The following CES5A variants were observed in gnomAD, a reference collection of about 807,000 sequenced individuals.
CES5A encodes the protein carboxylesterase 5A, also known as carboxylesterase 5.
Under a neutral mutation model 62.9 loss-of-function variants are expected in CES5A, and 67 were observed. That is an observed-to-expected ratio of 1.07 (90% confidence interval 0.88 to 1.31). The LOEUF (loss-of-function observed/expected upper bound fraction) is 1.31. CES5A is among the 50% of genes most tolerant of loss of function. The probability of loss-of-function intolerance (pLI) is 0.00; values close to 1 mark genes in which losing one functional copy is unlikely to be tolerated. For missense variants in CES5A, 748 were observed against 708.5 expected (o/e 1.06, Z -0.63); for synonymous variants, 296 against 280.8 (o/e 1.05, Z -0.54).
Position 55,846,384 on chromosome 16 carries a change from G to C in CES5A, c.*67C>G. On this transcript the variant is annotated 3_prime_UTR_variant, in exon 13 of 13. Transcript: ENST00000290567. ...CATAGAAAGCAGCTGAGCTCAGAAA[G>C]AAGCTAATGATTGCGGGAGAAATTA... 1 of 1,239,574 alleles carries C rather than the reference G, an allele frequency of 8.1e-7. No homozygotes were observed. Among genetic ancestry groups the C allele is most frequent in the South Asian group, 1.3e-5 (1 of 78,552 alleles). 76.8% of individuals were successfully genotyped at this position (1,239,574 alleles called of 1,614,324 possible).
chr16:55,921,540 A>G (rs540618908), intron 1 of CES5A, among the ~76,000 whole-genome samples: 2 of 151,904 alleles, frequency 1.3e-5, no homozygotes, highest in South Asian at 4.2e-4. Flanking sequence ...TATGAAGGAG[A>G]GATAAAGTCT....
intron 2 of CES5A, among the ~76,000 whole-genome samples, chr16:55,939,612 G>A (rs1438717991): frequency 6.6e-6 from 1 of 152,108 alleles, no homozygotes; most frequent in Non-Finnish European, 1.5e-5. Context: ...CAAGAAGTAG[G>A]AAAGGGAACT....
chr16:55,882,217 T>C (rs937255327), intron 1 of CES5A, among the ~76,000 whole-genome samples: 3 of 152,126 alleles, frequency 2.0e-5, no homozygotes, highest in Admixed American at 1.3e-4. Flanking sequence ...TATATAACTA[T>C]AAACATACCC....
At chr16:55,923,533 C>G (rs950243235) in intron 1 of CES5A, among the ~76,000 whole-genome samples, 1 of 151,678 alleles carries the variant, frequency 6.6e-6, no homozygotes, top group Non-Finnish European at 1.5e-5. Context: ...TAAAATGTCT[C>G]CCAACAAAGT....
At chr16:55,922,530 TC>T (rs2034216261) in intron 1 of CES5A, among the ~76,000 whole-genome samples, 2 of 151,684 alleles carry the variant, frequency 1.3e-5, no homozygotes, top group Non-Finnish European at 3.0e-5. Flanking sequence ...GTACCAGAGC[TC>T]CCAAAGTATA....
chr16:55,911,821 G>T (rs2142450827), intron 1 of CES5A, among the ~76,000 whole-genome samples: 1 of 152,292 alleles, frequency 6.6e-6, no homozygotes, highest in African/African-American at 2.4e-5. Flanking sequence ...CTGACCTGCT[G>T]CTTTGTCTAT....
intron 5 of CES5A, among the ~76,000 whole-genome samples, chr16:55,863,789 G>A (rs1423403204): frequency 4.1e-5 from 6 of 146,320 alleles, no homozygotes; most frequent in East Asian, 2.0e-4. Flanking sequence ...ATGGAGTCTC[G>A]CTCTGTGGCC....
At chr16:55,892,931 T>G (rs1216477944) in intron 1 of CES5A, among the ~76,000 whole-genome samples, 3 of 152,128 alleles carry the variant, frequency 2.0e-5, no homozygotes, top group Non-Finnish European at 4.4e-5. Context: ...GATTAGCCTA[T>G]CAGAGGCAGA....
At chr16:55,866,769 C>T (rs1301664198) in intron 4 of CES5A, among the ~76,000 whole-genome samples, 15 of 151,486 alleles carry the variant, frequency 9.9e-5, no homozygotes, top group Admixed American at 2.6e-4. Context: ...CCCCGGGAGG[C>T]GGAGCTTGCA....
chr16:55,944,653 C>G (rs80287821), intron 2 of CES5A, among the ~76,000 whole-genome samples: 1 of 152,160 alleles, frequency 6.6e-6, no homozygotes, highest in South Asian at 2.1e-4. Flanking sequence ...CAGGCTCTTG[C>G]GCATTTCAAC....
At position 55,949,859 on chromosome 16, in the gene CES5A, T is replaced by C. The variant is rs775054395; in HGVS notation, c.86A>G (p.Tyr29Cys). 3.3e-6 allele frequency: 5 copies of C among 1,527,078 alleles called. No homozygotes were observed. The South Asian group carries it at 4.9e-5, about 15-fold the overall frequency. 94.6% of individuals were successfully genotyped at this position (1,527,078 alleles called of 1,614,324 possible). The change falls in exon 2 of 14, where the codon TAC (tyrosine) becomes TGC (cysteine). Residue 29 changes from tyrosine (Y) to cysteine (C), a missense_variant. Tyr to Cys is a radical substitution (Grantham distance 194). Coordinates refer to the CES5A transcript ENST00000521992. ...AGTTGAGGAGGCTGGATAAAAATAG[T>C]AAACCAGGCACAATCTCCACATTCC...
intron 1 of CES5A, among the ~76,000 whole-genome samples, chr16:55,920,153 C>T (rs563609302): frequency 1.4e-4 from 22 of 152,256 alleles, no homozygotes; most frequent in Admixed American, 4.6e-4. Flanking sequence ...GAAAAAACTC[C>T]GAGAAGGCAG....
chr16:55,862,025 C>T (rs2033361842), intron 6 of CES5A, among the ~76,000 whole-genome samples: 1 of 152,156 alleles, frequency 6.6e-6, no homozygotes, highest in Non-Finnish European at 1.5e-5. Flanking sequence ...GAATGTCCTA[C>T]CTGTCTTTTT....
chr16:55,871,777 A>T lies in CES5A; in HGVS notation c.279-14T>A, dbSNP rs752605615. The stretch of plus-strand genomic sequence containing the variant: ...TTCTGGAGGCACCTTGGAGAAGGAG[A>T]GGAGAAAACCCTCAGAAAAAGTTAT... On this transcript the variant is annotated splice_polypyrimidine_tract_variant and intron_variant, in intron 2 of 12. Transcript: ENST00000290567. 8 of 1,613,042 alleles carry T rather than the reference A, an allele frequency of 5.0e-6. No individual in the cohort carries two copies. Among genetic ancestry groups the T allele is most frequent in the Non-Finnish European group, 6.8e-6 (8 of 1,179,184 alleles).
At chr16:55,864,346 C>G (rs2033413526) in intron 5 of CES5A, among the ~76,000 whole-genome samples, 2 of 152,222 alleles carry the variant, frequency 1.3e-5, no homozygotes, top group Non-Finnish European at 2.9e-5. Flanking sequence ...TGCAATTAAC[C>G]TGCCAACTGA....
intron 1 of CES5A, among the ~76,000 whole-genome samples, chr16:55,924,337 T>C (rs1225442203): frequency 6.6e-6 from 1 of 151,732 alleles, no homozygotes. Context: ...ACAAAGAATA[T>C]AAAATACCTA....
chr16:55,899,439 C>T (rs2033967625), intron 1 of CES5A, among the ~76,000 whole-genome samples: 1 of 152,166 alleles, frequency 6.6e-6, no homozygotes, highest in Non-Finnish European at 1.5e-5. Context: ...CATGAAAAAT[C>T]CAACTTGGAA....
At chr16:55,866,655 T>TAA in intron 4 of CES5A, among the ~76,000 whole-genome samples, 1 of 88,900 alleles carries the variant, frequency 1.1e-5, no homozygotes. Context: ...ACTCTGTCTC[T>TAA]GCTAAAAAAA....
intron 1 of CES5A, among the ~76,000 whole-genome samples, chr16:55,917,560 C>T (rs1048223933): frequency 5.9e-5 from 9 of 152,204 alleles, no homozygotes; most frequent in African/African-American, 4.8e-5. Context: ...TGGCCAAATG[C>T]CTTCTACAGA....
Sources: gnomAD v4.1 joint callset for allele counts (sites outside exome capture counted in the v4.1 genomes callset) on GRCh38, gnomAD v4.1.1 for gene constraint, MANE v1.5 for transcripts, NCBI Gene and HGNC (gene_info 2026-07-23, HGNC 2026-07-21) for gene names.